Variants in OSBPL8 observed in about 807,000 individuals in gnomAD.
The protein encoded by OSBPL8 is oxysterol-binding protein-related protein 8.
Under a neutral mutation model 125.5 loss-of-function variants are expected in OSBPL8, and 59 were observed. The observed-to-expected ratio is 0.47, with a 90% CI of 0.38 to 0.58. The LOEUF (loss-of-function observed/expected upper bound fraction) is 0.58, where lower values mean the gene tolerates loss of function less well. Among genes scored for constraint, OSBPL8 ranks in the 20% least tolerant of loss-of-function variants. OSBPL8 has a pLI of 0.00. For missense variants in OSBPL8, 758 were observed against 1,047.8 expected (o/e 0.72, Z 3.82); for synonymous variants, 330 against 338.9 (o/e 0.97, Z 0.29).
chr12:76,477,355 C>T (rs900471670), intron 2 of OSBPL8, among the ~76,000 whole-genome samples: 1 of 151,898 alleles, frequency 6.6e-6, no homozygotes, highest in Non-Finnish European at 1.5e-5. Context: ...CAGTCAACAG[C>T]AAAAATAAGT....
chr12:76,506,767 G>A (rs1161197767), intron 1 of OSBPL8, among the ~76,000 whole-genome samples: 1 of 152,028 alleles, frequency 6.6e-6, no homozygotes, highest in Non-Finnish European at 1.5e-5. Context: ...AGTGGCTGGG[G>A]GCTTAAAGTA....
chr12:76,551,626 G>A (rs1950940561), intron 1 of OSBPL8, among the ~76,000 whole-genome samples: 2 of 152,174 alleles, frequency 1.3e-5, no homozygotes, highest in South Asian at 4.1e-4. Context: ...CCTGAATACA[G>A]ACCCATGGAT....
chr12:76,515,699 G>T (rs376940452), intron 1 of OSBPL8, among the ~76,000 whole-genome samples: 2 of 151,988 alleles, frequency 1.3e-5, no homozygotes, highest in East Asian at 3.9e-4. Context: ...CTGAGCAGGG[G>T]AGGTTCCCCT....
chr12:76,411,660 T>TC (rs961579822), intron 4 of OSBPL8, among the ~76,000 whole-genome samples: 2 of 151,986 alleles, frequency 1.3e-5, no homozygotes, highest in African/African-American at 2.4e-5. Flanking sequence ...GGATCTTTTT[T>TC]CCTTCTCTGG....
At chr12:76,450,739 C>A in intron 4 of OSBPL8, 112 bp downstream of exon 4, 1 of 1,121,564 alleles carries the variant, frequency 8.9e-7, no homozygotes, top group South Asian at 1.8e-5. Context: ...CTTACAAAAC[C>A]AAATAGTTAA....
At chr12:76,403,318 A>G (rs1403259317) in intron 5 of OSBPL8, among the ~76,000 whole-genome samples, 1 of 152,176 alleles carries the variant, frequency 6.6e-6, no homozygotes, top group Non-Finnish European at 1.5e-5. Flanking sequence ...GGATTTCCTC[A>G]CTAAATTATT....
chr12:76,352,554 A>C lies in OSBPL8; in HGVS notation c.*3335T>G, dbSNP rs1450110655. The C allele has an allele frequency of 6.6e-6, 1 of 152,576 alleles. No homozygotes were observed. The highest frequency in any genetic ancestry group is 1.5e-5 in the Non-Finnish European group (1 of 67,958). The allele number at this position is 152,576 out of a possible 1,614,324, so 9.5% of individuals were successfully genotyped here. ...AAGATAGAAATTGAAATGTAAACTT[A>C]CTGATTTCTGTGGGATTTTCCCCAC... is the stretch of plus-strand genomic sequence containing the variant. On this transcript the variant is annotated 3_prime_UTR_variant, in exon 24 of 24. Coordinates refer to ENST00000261183, the MANE Select transcript of OSBPL8 (RefSeq NM_020841.5).
chr12:76,445,868 T>C (rs1394694293), intron 4 of OSBPL8, among the ~76,000 whole-genome samples: 1 of 152,140 alleles, frequency 6.6e-6, no homozygotes, highest in Non-Finnish European at 1.5e-5. Context: ...CCAAAAAATA[T>C]ATCTCCAAAG....
intron 1 of OSBPL8, among the ~76,000 whole-genome samples, chr12:76,522,931 G>A (rs566748175): frequency 6.6e-6 from 1 of 152,260 alleles, no homozygotes; most frequent in East Asian, 1.9e-4. Context: ...CACTGTGAAT[G>A]AGCTCAAGTG....
intron 4 of OSBPL8, among the ~76,000 whole-genome samples, chr12:76,431,857 G>C (rs916629459): frequency 6.6e-6 from 1 of 151,860 alleles, no homozygotes; most frequent in Non-Finnish European, 1.5e-5. Context: ...AAAATGAAAA[G>C]AAATGAACAA....
chr12:76,389,337 C>T (rs923205017), intron 12 of OSBPL8, among the ~76,000 whole-genome samples: 1 of 152,022 alleles, frequency 6.6e-6, no homozygotes, highest in African/African-American at 2.4e-5. Context: ...TGCCAATCAC[C>T]TCTCTCTCTC....
At chr12:76,412,477 T>C (rs747408814) in intron 4 of OSBPL8, among the ~76,000 whole-genome samples, 13 of 152,182 alleles carry the variant, frequency 8.5e-5, no homozygotes, top group Non-Finnish European at 1.8e-4. Context: ...TTCCATTTTA[T>C]TGCGTTTCTC....
intron 4 of OSBPL8, among the ~76,000 whole-genome samples, chr12:76,411,260 A>G (rs1954503385): frequency 6.6e-6 from 1 of 152,178 alleles, no homozygotes; most frequent in South Asian, 2.1e-4. Flanking sequence ...ACTTTAATAT[A>G]GCACTATGCA....
intron 4 of OSBPL8, among the ~76,000 whole-genome samples, chr12:76,450,356 T>C (rs1199214285): frequency 1.3e-5 from 2 of 152,114 alleles, no homozygotes. Flanking sequence ...GGATAAACCA[T>C]TACCAACCTT....
At chr12:76,505,108 T>A (rs1880285041) in intron 1 of OSBPL8, among the ~76,000 whole-genome samples, 1 of 152,162 alleles carries the variant, frequency 6.6e-6, no homozygotes, top group African/African-American at 2.4e-5. Flanking sequence ...ACAACTCCAG[T>A]CTCTCATTTA....
At position 76,352,452 on chromosome 12, in the gene OSBPL8, CAGGT is replaced by C. The variant is rs755145258; in HGVS notation, c.*3433_*3436del. 6.6e-6 allele frequency: 1 copy of C among 152,368 alleles called. No homozygotes were observed. The highest frequency in any genetic ancestry group is 1.5e-5 in the Non-Finnish European group (1 of 67,916). The allele number at this position is 152,368 out of a possible 1,614,324, so 9.4% of individuals were successfully genotyped here. On this transcript the variant is annotated 3_prime_UTR_variant, in exon 24 of 24. Transcript: ENST00000261183. ...AATTAAATATACTAAACTCACACAACAGGTAGAATAAAATGAAACCAAATTACAT... is the reference window on the plus strand; with the variant it reads ...AATTAAATATACTAAACTCACACAACAGAATAAAATGAAACCAAATTACAT...
chr12:76,477,326 C>T (rs1002867933), intron 2 of OSBPL8, among the ~76,000 whole-genome samples: 3 of 152,040 alleles, frequency 2.0e-5, no homozygotes, highest in Non-Finnish European at 4.4e-5. Flanking sequence ...ATTTACTAAC[C>T]ACCTCAGCCA....
intron 21 of OSBPL8, among the ~76,000 whole-genome samples, chr12:76,368,562 G>T (rs1455583669): frequency 6.6e-6 from 1 of 151,874 alleles, no homozygotes; most frequent in East Asian, 1.9e-4. Context: ...GGGTCCTTTA[G>T]GCTCTGTTCA....
chr12:76,552,851 A>C (rs904240984), intron 1 of OSBPL8, among the ~76,000 whole-genome samples: 1 of 152,192 alleles, frequency 6.6e-6, no homozygotes, highest in Non-Finnish European at 1.5e-5. Flanking sequence ...ATAGGTGATA[A>C]GACAGAGCAC....
Sources: allele counts gnomAD v4.1 joint callset (sites outside exome capture counted in the v4.1 genomes callset), GRCh38; gene constraint gnomAD v4.1.1; transcripts MANE v1.5; gene names NCBI Gene and HGNC (gene_info 2026-07-23, HGNC 2026-07-21).